Variants in NEBL observed in about 807,000 individuals in gnomAD.
NEBL encodes the protein nebulette.
A neutral mutation model predicts 140.2 loss-of-function variants in NEBL; 122 were observed. The observed-to-expected ratio is 0.87, with a 90% CI of 0.75 to 1.01. The LOEUF (loss-of-function observed/expected upper bound fraction) is 1.01. Ranked by LOEUF, NEBL falls within the 50% of genes least tolerant of loss-of-function variation. The pLI is 0.00. For synonymous variants in NEBL, 436 were observed against 398.9 expected (o/e 1.09, Z -1.11); for missense variants, 1,365 against 1,231.3 (o/e 1.11, Z -1.62).
At chr10:21,269,853 A>G (rs1346458101) in intron 1 of NEBL, among the ~76,000 whole-genome samples, 4 of 152,200 alleles carry the variant, frequency 2.6e-5, no homozygotes, top group Admixed American at 2.0e-4. Context: ...GCCACCTTCT[A>G]TTAATCTCAT....
At position 20,963,039 on chromosome 10, in the gene NEBL, C is replaced by CACACACAT. The variant is rs1554813537; in HGVS notation, c.250-1261_250-1260insATGTGTGT. On this transcript the variant is annotated intron_variant, in intron 3 of 6. Coordinates refer to the NEBL transcript ENST00000417816. ...ACACACACACACACACACACACACA[C>CACACACAT]ACACACACGGAAATCTAGATACTCT... Among the ~76,000 whole-genome samples, 1,340 of 150,298 alleles carry CACACACAT rather than the reference C, an allele frequency of 8.9e-3. 17 individuals carry two copies. Among genetic ancestry groups the CACACACAT allele is most frequent in the African/African-American group, 0.03 (1,232 of 41,162 alleles).
intron 26 of NEBL, among the ~76,000 whole-genome samples, chr10:20,796,953 G>A (rs1336151962): frequency 2.0e-5 from 3 of 152,164 alleles, no homozygotes; most frequent in African/African-American, 7.2e-5. Flanking sequence ...AGAAAAGAAA[G>A]GAATGTACAG....
intron 3 of NEBL, among the ~76,000 whole-genome samples, chr10:21,004,155 G>A (rs1838022223): frequency 6.6e-6 from 1 of 152,058 alleles, no homozygotes. Flanking sequence ...GCCTTTAACT[G>A]ACCTACATTG....
chr10:21,218,975 C>A (rs566945335), intron 3 of NEBL, among the ~76,000 whole-genome samples: 10 of 152,328 alleles, frequency 6.6e-5, no homozygotes, highest in Admixed American at 1.3e-4. Context: ...ACAGACGGAA[C>A]CTTATGCCCT....
At chr10:20,914,845 T>C (rs1350703248) in intron 4 of NEBL, among the ~76,000 whole-genome samples, 4 of 152,072 alleles carry the variant, frequency 2.6e-5, no homozygotes, top group Non-Finnish European at 5.9e-5. Flanking sequence ...ATTTTTCATA[T>C]ATTTTCTGGG....
intron 3 of NEBL, among the ~76,000 whole-genome samples, chr10:21,197,611 T>C (rs1016991792): frequency 2.0e-5 from 3 of 152,184 alleles, no homozygotes; most frequent in African/African-American, 7.2e-5. Flanking sequence ...TCAGCATTGA[T>C]CACAAGGTCA....
intron 2 of NEBL, among the ~76,000 whole-genome samples, chr10:21,062,934 C>T (rs968377281): frequency 7.2e-5 from 11 of 152,014 alleles, no homozygotes; most frequent in Admixed American, 2.6e-4. Context: ...ACACGAGCGG[C>T]CAAGCTGTGG....
intron 26 of NEBL, among the ~76,000 whole-genome samples, chr10:20,799,229 T>C (rs540631538): frequency 2.6e-5 from 4 of 152,268 alleles, no homozygotes; most frequent in African/African-American, 9.6e-5. Flanking sequence ...AATCTTGGCT[T>C]ACTGCAACCT....
At chr10:21,147,933 G>C (rs1839971831) in intron 2 of NEBL, among the ~76,000 whole-genome samples, 1 of 152,172 alleles carries the variant, frequency 6.6e-6, no homozygotes, top group East Asian at 1.9e-4. Context: ...ACCATGCCAA[G>C]CATTGTCTTT....
intron 16 of NEBL, among the ~76,000 whole-genome samples, chr10:20,830,685 T>C (rs981214256): frequency 1.3e-5 from 2 of 151,694 alleles, no homozygotes; most frequent in African/African-American, 4.8e-5. Flanking sequence ...TTGTAATTTA[T>C]TTTTCTGTAG....
In NEBL at chr10:21,001,916, C is replaced by T. The variant is rs533366621; in HGVS notation, c.249+18201G>A. Among the ~76,000 whole-genome samples, 4 of 152,240 alleles carry T rather than the reference C, an allele frequency of 2.6e-5. No individual in the cohort carries two copies. In the East Asian group the frequency reaches 5.8e-4, roughly 22 times the overall value. On this transcript the variant is annotated intron_variant, in intron 3 of 6. Coordinates refer to the NEBL transcript ENST00000417816. ...GCAAAACTGGTCTCTGTTTTTCCAC[C>T]AACACTTATTTCTCATTTGTGGATT...
chr10:21,030,593 G>A (rs1833738043), intron 2 of NEBL: 1 of 626,876 alleles, frequency 1.6e-6, no homozygotes, highest in Non-Finnish European at 3.0e-6. Flanking sequence ...AGTGGTGGGG[G>A]AAAAGTAACT....
chr10:20,832,962 G>C (rs1840556549), intron 14 of NEBL, among the ~76,000 whole-genome samples: 1 of 152,136 alleles, frequency 6.6e-6, no homozygotes, highest in African/African-American at 2.4e-5. Context: ...GCCCCAAAAT[G>C]AAATGTTTCA....
chr10:20,863,473 G>A (rs1843939510), intron 7 of NEBL, among the ~76,000 whole-genome samples: 1 of 152,088 alleles, frequency 6.6e-6, no homozygotes, highest in Non-Finnish European at 1.5e-5. Context: ...AGCAATCTTG[G>A]ATGAAATCAA....
intron 22 of NEBL, among the ~76,000 whole-genome samples, chr10:20,815,277 A>G (rs937461225): frequency 1.3e-5 from 2 of 152,216 alleles, no homozygotes; most frequent in Non-Finnish European, 2.9e-5. Context: ...TCCATGTTCA[A>G]TGAAATATTT....
At chr10:20,832,405 G>A (rs962396756) in intron 14 of NEBL, among the ~76,000 whole-genome samples, 9 of 151,744 alleles carry the variant, frequency 5.9e-5, no homozygotes, top group African/African-American at 2.2e-4. Context: ...TCAATCATAA[G>A]AACAACAAAT....
chr10:21,005,421 A>G (rs1838097096), intron 3 of NEBL, among the ~76,000 whole-genome samples: 1 of 152,242 alleles, frequency 6.6e-6, no homozygotes, highest in African/African-American at 2.4e-5. Flanking sequence ...TTTAAAATGT[A>G]CATAAGCAAA....
intron 22 of NEBL, among the ~76,000 whole-genome samples, chr10:20,814,784 T>C (rs1334028412): frequency 6.6e-6 from 1 of 152,232 alleles, no homozygotes; most frequent in Non-Finnish European, 1.5e-5. Flanking sequence ...TTTTATTTTT[T>C]TCTCTGCTTA....
chr10:21,211,576 A>G (rs1021887039), intron 3 of NEBL, among the ~76,000 whole-genome samples: 5 of 152,132 alleles, frequency 3.3e-5, no homozygotes, highest in Admixed American at 6.5e-5. Context: ...TTAACTGGAG[A>G]AAAGACTGGC....
Sources: gnomAD v4.1 joint callset for allele counts (sites outside exome capture counted in the v4.1 genomes callset) on GRCh38, gnomAD v4.1.1 for gene constraint, MANE v1.5 for transcripts, NCBI Gene and HGNC (gene_info 2026-07-23, HGNC 2026-07-21) for gene names.